The following LIMCH1 variants were observed in gnomAD, a reference collection of about 807,000 sequenced individuals.
LIMCH1 encodes the protein LIM and calponin homology domains-containing protein 1.
Under a neutral mutation model 176.5 loss-of-function variants are expected in LIMCH1, and 113 were observed. The ratio of observed to expected loss-of-function variants is 0.64; its 90% CI spans 0.55 to 0.75. The LOEUF is 0.75. Among genes scored for constraint, LIMCH1 ranks in the 30% least tolerant of loss-of-function variants. The pLI is 0.00. For synonymous variants in LIMCH1, 619 were observed against 645.9 expected, an observed-to-expected ratio of 0.96 and a Z score of 0.63; for missense variants, 1,674 against 1,814.9, an observed-to-expected ratio of 0.92 and a Z score of 1.41.
chr4:41,657,983 A>T (rs992607630), intron 18 of LIMCH1, among the ~76,000 whole-genome samples: 3 of 152,198 alleles, frequency 2.0e-5, no homozygotes, highest in Admixed American at 6.5e-5. Flanking sequence ...CAAGACTCTT[A>T]GGTGATAGAT....
intron 1 of LIMCH1, among the ~76,000 whole-genome samples, chr4:41,456,643 G>T (rs1353906434): frequency 6.6e-6 from 1 of 152,094 alleles, no homozygotes; most frequent in African/African-American, 2.4e-5. Flanking sequence ...CAAAATAATT[G>T]TGCTTTTTAG....
chr4:41,490,720 C>T (rs1226132995), intron 1 of LIMCH1, among the ~76,000 whole-genome samples: 1 of 152,194 alleles, frequency 6.6e-6, no homozygotes, highest in Non-Finnish European at 1.5e-5. Flanking sequence ...TCTTTCTTTT[C>T]CCCACATTTC....
Position 41,670,805 on chromosome 4 carries a change from C to G in LIMCH1, c.3398-749C>G, listed in dbSNP as rs762786718. On this transcript the variant is annotated intron_variant, in intron 21 of 31. Coordinates refer to ENST00000503057, the MANE Select transcript of LIMCH1 (RefSeq NM_001330672.2). ...TTCTCCCAGTCAGGTAAACTGCATA[C>G]TGGGTAGCTGTATTTCTTTTGTGCG... is the stretch of plus-strand genomic sequence containing the variant. The G allele has an allele frequency of 4.6e-6, 7 of 1,535,652 alleles. No homozygotes were observed. The South Asian group carries it at 8.3e-5, about 18-fold the overall frequency.
chr4:41,695,340 CCTT>C (rs1729761714), intron 31 of LIMCH1, among the ~76,000 whole-genome samples: 2 of 147,178 alleles, frequency 1.4e-5, no homozygotes, highest in African/African-American at 5.0e-5. Context: ...TTTTTTTTCT[CCTT>C]CACATGTAAA....
intron 1 of LIMCH1, among the ~76,000 whole-genome samples, chr4:41,491,848 A>G (rs1394055260): frequency 9.2e-5 from 9 of 98,184 alleles, no homozygotes; most frequent in East Asian, 3.3e-4. Context: ...CATTCGGGGC[A>G]GCCGGGCAGA....
chr4:41,448,142 T>C (rs1156789659), intron 1 of LIMCH1, among the ~76,000 whole-genome samples: 3 of 152,168 alleles, frequency 2.0e-5, no homozygotes, highest in African/African-American at 7.2e-5. Context: ...CAGAGTAGAA[T>C]GTAGGAGCTT....
At position 41,698,966 on chromosome 4, in the gene LIMCH1, T is replaced by C. The variant is rs1487201025; in HGVS notation, c.*1781T>C. ...ACTTCTCATGGAGGTGTTTGCTGTT[T>C]TACAGGAAAAAATAAAAATAAAAAA... On this transcript the variant is annotated 3_prime_UTR_variant, in exon 32 of 32. Transcript: ENST00000503057. 6.6e-6 allele frequency: 1 copy of C among 152,426 alleles called. No homozygotes were observed. The highest frequency in any genetic ancestry group is 1.9e-4 in the East Asian group (1 of 5,196). 9.4% of individuals were successfully genotyped at this position (152,426 alleles called of 1,614,324 possible). A position where few individuals can be genotyped will look rare whatever the true frequency, so the allele number is the denominator to read the frequency against.
intron 3 of LIMCH1, among the ~76,000 whole-genome samples, chr4:41,525,540 C>T (rs4274885): frequency 0.51 from 78,265 of 151,972 alleles, 23,165 homozygotes; most frequent in African/African-American, 0.82. Flanking sequence ...TAGATGTTTT[C>T]TTTAAGAACT....
intron 1 of LIMCH1, among the ~76,000 whole-genome samples, chr4:41,401,493 T>C (rs572354053): frequency 6.6e-6 from 1 of 152,310 alleles, no homozygotes; most frequent in South Asian, 2.1e-4. Context: ...TCTTTTGGCT[T>C]AGGATTGACT....
intron 5 of LIMCH1, among the ~76,000 whole-genome samples, chr4:41,616,364 C>T (rs962618664): frequency 1.3e-5 from 2 of 151,904 alleles, no homozygotes; most frequent in African/African-American, 2.4e-5. Flanking sequence ...CCCATCTCTA[C>T]TAAAAATACA....
At chr4:41,452,357 G>A (rs1485987181) in intron 1 of LIMCH1, among the ~76,000 whole-genome samples, 1 of 152,124 alleles carries the variant, frequency 6.6e-6, no homozygotes, top group East Asian at 1.9e-4. Flanking sequence ...CGGATACCTA[G>A]AATATTTTCC....
chr4:41,504,552 C>T (rs2073890971), intron 2 of LIMCH1, among the ~76,000 whole-genome samples: 1 of 152,252 alleles, frequency 6.6e-6, no homozygotes, highest in South Asian at 2.1e-4. Context: ...CCATACTCAC[C>T]TTCAGATTCC....
chr4:41,603,108 G>T (rs898739174), intron 2 of LIMCH1, among the ~76,000 whole-genome samples: 2 of 152,076 alleles, frequency 1.3e-5, no homozygotes, highest in Non-Finnish European at 2.9e-5. Flanking sequence ...TTCTTGACTG[G>T]TTTATATGAT....
Position 41,426,114 on chromosome 4 carries a change from C to G in LIMCH1, c.96+65178C>G, listed in dbSNP as rs374667523. The stretch of plus-strand genomic sequence containing the variant: ...TCGGCTCACTGCAAGTTCCGCCTCC[C>G]GGGTTCACGCCATTCTCCTGCCTCA... On this transcript the variant is annotated intron_variant, in intron 1 of 26. Transcript: ENST00000313860. Among the ~76,000 whole-genome samples the G allele has an allele frequency of 3.4e-3, 500 of 149,188 alleles. 5 individuals carry two copies. Among genetic ancestry groups the G allele is most frequent in the African/African-American group, 0.012 (474 of 40,540 alleles).
At chr4:41,553,672 G>A (rs2080844829) in intron 1 of LIMCH1, among the ~76,000 whole-genome samples, 1 of 152,128 alleles carries the variant, frequency 6.6e-6, no homozygotes, top group Non-Finnish European at 1.5e-5. Context: ...AACGGAGGAA[G>A]GGAGCCTGAT....
At chr4:41,683,886 C>G (rs1718362600) in intron 26 of LIMCH1, among the ~76,000 whole-genome samples, 1 of 152,124 alleles carries the variant, frequency 6.6e-6, no homozygotes, top group Non-Finnish European at 1.5e-5. Context: ...AACCTTTGAC[C>G]TTCATTTTTG....
intron 1 of LIMCH1, among the ~76,000 whole-genome samples, chr4:41,438,676 T>C (rs1265111448): frequency 6.6e-6 from 1 of 151,636 alleles, no homozygotes; most frequent in Non-Finnish European, 1.5e-5. Context: ...TTCAAACTTC[T>C]GCAGTGAAGG....
intron 31 of LIMCH1, among the ~76,000 whole-genome samples, chr4:41,696,398 C>A (rs769621702): frequency 2.0e-5 from 3 of 152,114 alleles, no homozygotes; most frequent in African/African-American, 7.2e-5. Context: ...CTCATCACAA[C>A]TGTAGTGCCT....
At chr4:41,495,456 A>G (rs1476004232) in intron 2 of LIMCH1, among the ~76,000 whole-genome samples, 3 of 152,068 alleles carry the variant, frequency 2.0e-5, no homozygotes, top group South Asian at 4.2e-4. Flanking sequence ...GGAGACAAGC[A>G]CTGTTCTGAT....
Sources: allele counts gnomAD v4.1 joint callset (sites outside exome capture counted in the v4.1 genomes callset), GRCh38; gene constraint gnomAD v4.1.1; transcripts MANE v1.5; gene names NCBI Gene and HGNC (gene_info 2026-07-23, HGNC 2026-07-21).